DNAH2: variants seen among roughly 807,000 people sequenced by gnomAD.
DNAH2 encodes the protein dynein axonemal heavy chain 2.
In DNAH2, 323 loss-of-function variants were observed where a neutral mutation model predicts 523.5. The ratio of observed to expected loss-of-function variants is 0.62; its 90% confidence interval spans 0.56 to 0.68. The LOEUF is 0.68. DNAH2 is among the 30% of genes least tolerant of loss of function. The pLI, the probability that DNAH2 is intolerant of heterozygous loss-of-function variation, is 0.00. For missense variants in DNAH2, 4,907 were observed against 5,701.5 expected (o/e 0.86, Z 4.49); for synonymous variants, 2,093 against 2,177.4 (o/e 0.96, Z 1.08).
intron 46 of DNAH2, 96 bp downstream of exon 46, chr17:7,792,439 G>T: frequency 7.7e-7 from 1 of 1,305,874 alleles, no homozygotes; most frequent in South Asian, 1.2e-5. Context: ...ATGAGCAATA[G>T]GAAGGAGAAG....
At chr17:7,766,566 TG>T in intron 22 of DNAH2, 85 bp downstream of exon 22, 1 of 1,408,052 alleles carries the variant, frequency 7.1e-7, no homozygotes, top group Non-Finnish European at 9.4e-7. Context: ...ACAAAGGCAG[TG>T]GGAAGGGAGA....
At position 7,738,819 on chromosome 17, in the gene DNAH2, G is replaced by C. The variant is rs558184100; in HGVS notation, c.1171-914G>C. 7 of 589,406 alleles carry C rather than the reference G, an allele frequency of 1.2e-5. No homozygotes were observed. The African/African-American group carries it at 1.3e-4, about 11-fold the overall frequency. 36.5% of individuals were successfully genotyped at this position (589,406 alleles called of 1,614,324 possible). A position where few individuals can be genotyped will look rare whatever the true frequency, so the allele number is the denominator to read the frequency against. ...TTGGGATTCAGGAGGGTTGTTTCTC[G>C]GGGTCTGATTTTTCTAGGGCTTTCC... On this transcript the variant is annotated intron_variant, in intron 8 of 85. Coordinates refer to ENST00000572933, the MANE Select transcript of DNAH2 (RefSeq NM_020877.5).
chr17:7,797,614 G>C, intron 52 of DNAH2, 66 bp from the exon 53 acceptor site: 2 of 1,613,838 alleles, frequency 1.2e-6, no homozygotes, highest in Non-Finnish European at 1.7e-6. Flanking sequence ...GGTCTGAAGT[G>C]TGGAGCCCTG....
chr17:7,817,651 G>A lies in DNAH2; in HGVS notation c.10111G>A (p.Gly3371Arg), dbSNP rs1049322174. The A allele has an allele frequency of 6.2e-7, 1 of 1,614,010 alleles. No individual in the cohort carries two copies. Residue 3371 changes from glycine (G) to arginine (R), a missense_variant, in exon 66 of 86, where the codon GGG (glycine) becomes AGG (arginine). Coordinates refer to ENST00000572933, the MANE Select transcript of DNAH2 (RefSeq NM_020877.5). ...PTKVRDWNIQ[G>R]LPSDAFSTEN... is the part of the protein sequence containing the mutation. ...CAAAGTCCGGGACTGGAACATCCAA[G>A]GGTTGCCCTCAGACGCCTTCTCCAC...
At chr17:7,772,276 A>C (rs925473630) in intron 28 of DNAH2, among the ~76,000 whole-genome samples, 1 of 152,180 alleles carries the variant, frequency 6.6e-6, no homozygotes, top group Non-Finnish European at 1.5e-5. Context: ...TCATTTTCCC[A>C]AGAGCCTTCA....
intron 4 of DNAH2, among the ~76,000 whole-genome samples, chr17:7,731,134 T>TTAATTA (rs1567608138): frequency 6.7e-6 from 1 of 148,672 alleles, no homozygotes; most frequent in Non-Finnish European, 1.5e-5. Flanking sequence ...ATAAATAAAT[T>TTAATTA]AATTAAATTA....
At chr17:7,822,838 G>A (rs1013314217) in intron 73 of DNAH2, among the ~76,000 whole-genome samples, 13 of 152,166 alleles carry the variant, frequency 8.5e-5, no homozygotes, top group African/African-American at 3.1e-4. Flanking sequence ...CTGTGAAGGT[G>A]AGGCTACCAA....
At chr17:7,763,737 G>T in intron 18 of DNAH2, 94 bp from the exon 19 acceptor site, 1 of 1,463,924 alleles carries the variant, frequency 6.8e-7, no homozygotes. Context: ...GCCCAGGTTT[G>T]GGTGGAAGGA....
intron 85 of DNAH2, 43 bp downstream of exon 85, chr17:7,833,264 G>T: frequency 6.2e-7 from 1 of 1,606,966 alleles, no homozygotes. Flanking sequence ...CCCGTCCCTA[G>T]TTTGGAACTT....
At chr17:7,725,159 G>T (rs1420654043) in intron 3 of DNAH2, among the ~76,000 whole-genome samples, 1 of 150,566 alleles carries the variant, frequency 6.6e-6, no homozygotes, top group Non-Finnish European at 1.5e-5. Flanking sequence ...GCACGATCTG[G>T]GCTCACTGCA....
intron 63 of DNAH2, among the ~76,000 whole-genome samples, 165 bp from the exon 64 acceptor site, chr17:7,816,406 C>A (rs1299019623): frequency 2.6e-4 from 40 of 152,166 alleles, no homozygotes; most frequent in Admixed American, 2.6e-3. Flanking sequence ...TCACGATAAC[C>A]CTATAGGGTA....
Position 7,740,807 on chromosome 17 carries a change from T to C in DNAH2, c.1507-3T>C. ...TCGCCAGCCTCTTCCTCTTCTTCCCTAGGCTATCAAGCGGACTTATGACAA... is the reference window on the plus strand; with the variant it reads ...TCGCCAGCCTCTTCCTCTTCTTCCCCAGGCTATCAAGCGGACTTATGACAA... On this transcript the variant is annotated splice_polypyrimidine_tract_variant and splice_region_variant and intron_variant, in intron 10 of 85. Transcript: ENST00000572933. The C allele has an allele frequency of 6.2e-7, 1 of 1,603,958 alleles. No individual in the cohort carries two copies. Among genetic ancestry groups the C allele is most frequent in the Admixed American group, 1.7e-5 (1 of 59,838 alleles).
In DNAH2 at chr17:7,833,511, T is replaced by TAC; in HGVS notation, c.13263_13264dup (p.Leu4422HisfsTer3). 1 of 1,614,056 alleles carries TAC rather than the reference T, an allele frequency of 6.2e-7. No individual in the cohort carries two copies. The highest frequency in any genetic ancestry group is 1.3e-5 in the African/African-American group (1 of 75,074). On this transcript the variant is annotated frameshift_variant, in exon 86 of 86. Coordinates refer to ENST00000572933, the MANE Select transcript of DNAH2 (RefSeq NM_020877.5). LOFTEE classifies it high-confidence loss of function. ...CATTGGATCAAGAGGGGCACTGCTC[T>TAC]ACTCATGAGCCTGGACAGCTGAGAC...
chr17:7,821,392 C>T lies in DNAH2; in HGVS notation c.11142+23C>T. 1 of 1,606,644 alleles carries T rather than the reference C, an allele frequency of 6.2e-7. No homozygotes were observed. Among genetic ancestry groups the T allele is most frequent in the Non-Finnish European group, 8.5e-7 (1 of 1,175,658 alleles). On this transcript the variant is annotated intron_variant, in intron 73 of 85. Coordinates refer to ENST00000572933, the MANE Select transcript of DNAH2 (RefSeq NM_020877.5). This position sits in a 1 kb window ranked among gnomAD's most constrained non-coding sequence, Gnocchi z 5.0. ...GTGGTGAGTTGGGCAGAGAGCACATCCCAGGATGGGATGGTCAAGGTTGGG... is the reference window on the plus strand; with the variant it reads ...GTGGTGAGTTGGGCAGAGAGCACATTCCAGGATGGGATGGTCAAGGTTGGG...
intron 39 of DNAH2, among the ~76,000 whole-genome samples, chr17:7,784,396 G>A (rs1207832417): frequency 6.6e-6 from 1 of 152,034 alleles, no homozygotes; most frequent in Non-Finnish European, 1.5e-5. Flanking sequence ...TTGGAGAATC[G>A]GCCAGGCATG....
At chr17:7,739,677 T>C (rs1193602495) in intron 8 of DNAH2, 56 bp from the exon 9 acceptor site, 2 of 1,527,340 alleles carry the variant, frequency 1.3e-6, no homozygotes, top group Non-Finnish European at 1.8e-6. Flanking sequence ...CCAAATAGCT[T>C]AGGACTTTGG....
Position 7,776,822 on chromosome 17 carries a change from C to T in DNAH2, c.4991C>T (p.Thr1664Ile). ...ASQIQWTADV[T>I]KCLLTAKERA... The stretch of plus-strand genomic sequence containing the variant: ...CAGATCCAGTGGACGGCTGATGTCA[C>T]CAAGTGCCTGCTGACAGCGAAGGAG... Residue 1664 changes from threonine to isoleucine, a missense_variant, in exon 32 of 86, where the codon ACC becomes ATC. Around this residue, in one of 3 missense-constraint regions of DNAH2, gnomAD observed 2,806 missense variants for 3,190.8 expected, o/e 0.88. Coordinates refer to ENST00000572933, the MANE Select transcript of DNAH2 (RefSeq NM_020877.5). 1 of 1,613,228 alleles carries T rather than the reference C, an allele frequency of 6.2e-7. No individual in the cohort carries two copies. Among genetic ancestry groups the T allele is most frequent in the Non-Finnish European group, 8.5e-7 (1 of 1,179,468 alleles).
At chr17:7,749,526 C>T (rs1285418261) in intron 12 of DNAH2, among the ~76,000 whole-genome samples, 2 of 151,832 alleles carry the variant, frequency 1.3e-5, no homozygotes, top group Non-Finnish European at 2.9e-5. Flanking sequence ...GTTTCTGTAT[C>T]TATTCACACA....
intron 11 of DNAH2, 111 bp downstream of exon 11, chr17:7,741,103 G>A: frequency 7.4e-7 from 1 of 1,349,932 alleles, no homozygotes; most frequent in Non-Finnish European, 9.9e-7. Context: ...ACCTATGTCG[G>A]TGAGGGGAGT....
Sources: allele counts gnomAD v4.1 joint callset (sites outside exome capture counted in the v4.1 genomes callset), GRCh38; gene constraint gnomAD v4.1.1; regional missense constraint gnomAD v4.1.1; non-coding constraint Gnocchi (gnomAD v3.1); transcripts MANE v1.5; gene names NCBI Gene and HGNC (gene_info 2026-07-23, HGNC 2026-07-21).